Variants in KLHL13 observed in about 807,000 individuals in gnomAD.
The protein encoded by KLHL13 is kelch like family member 13, also known as kelch-like protein 13.
In KLHL13, 10 loss-of-function variants were observed where a neutral mutation model predicts 37.1. That is an observed-to-expected ratio of 0.27 (90% CI 0.17 to 0.46). The LOEUF (loss-of-function observed/expected upper bound fraction) is 0.46. Among genes scored for constraint, KLHL13 ranks in the 20% least tolerant of loss-of-function variants. KLHL13 has a pLI of 1.00. For missense variants in KLHL13, 360 were observed against 509.3 expected, an observed-to-expected ratio of 0.71 and a Z score of 2.82; for synonymous variants, 163 against 181.2, an observed-to-expected ratio of 0.90 and a Z score of 0.81.
At chrX:117,979,877 C>G (rs2053641057) in intron 1 of KLHL13, among the ~76,000 whole-genome samples, 1 of 111,749 alleles carries the variant, frequency 8.9e-6, no homozygotes, top group East Asian at 2.8e-4. Context: ...GTTTAGTCAT[C>G]TCTCAGCAAC....
chrX:117,945,514 G>A, exon 2 of KLHL13: 2 of 1,205,329 alleles, frequency 1.7e-6, no homozygotes, highest in South Asian at 1.8e-5. Flanking sequence ...TGGGATGAGA[G>A]GCCCATTTCG....
intron 1 of KLHL13, among the ~76,000 whole-genome samples, chrX:118,097,716 G>A (rs2148166758): frequency 9.0e-6 from 1 of 111,666 alleles, no homozygotes; most frequent in Non-Finnish European, 1.9e-5. Flanking sequence ...GCATGGTACT[G>A]GTACCAAAAC....
At chrX:118,076,671 T>G (rs1045586120) in intron 1 of KLHL13, among the ~76,000 whole-genome samples, 1 of 111,246 alleles carries the variant, frequency 9.0e-6, no homozygotes, top group Non-Finnish European at 1.9e-5. Flanking sequence ...TCCTTCCTAA[T>G]GTTGATGAGT....
chrX:117,943,252 C>T (rs1288264044), intron 2 of KLHL13, among the ~76,000 whole-genome samples: 8 of 111,456 alleles, frequency 7.2e-5, no homozygotes, highest in African/African-American at 2.6e-4. Flanking sequence ...TCCAGCTTCC[C>T]TTAACATTTT....
intron 1 of KLHL13, among the ~76,000 whole-genome samples, chrX:118,067,757 A>G (rs1166108510): frequency 9.0e-6 from 1 of 110,952 alleles, no homozygotes; most frequent in East Asian, 2.8e-4. Flanking sequence ...AGGGGCAATA[A>G]CGTGCATGGA....
intron 1 of KLHL13, among the ~76,000 whole-genome samples, chrX:118,006,244 C>T (rs1602642906): frequency 8.9e-6 from 1 of 111,775 alleles, no homozygotes; most frequent in Non-Finnish European, 1.9e-5. Flanking sequence ...ACTATAAATA[C>T]TAAGTTCATC....
At chrX:117,959,778 A>C (rs184950539) in intron 1 of KLHL13, among the ~76,000 whole-genome samples, 2 of 111,858 alleles carry the variant, frequency 1.8e-5, no homozygotes, top group Admixed American at 1.9e-4. Context: ...TGATCAGTGA[A>C]AAGCTCTATA....
At chrX:117,953,570 A>T (rs917930921) in intron 1 of KLHL13, among the ~76,000 whole-genome samples, 25 of 110,971 alleles carry the variant, frequency 2.3e-4, no homozygotes, top group African/African-American at 7.5e-4. Flanking sequence ...AAAATAAAAT[A>T]AAAAAATAAA....
chrX:117,979,078 G>A (rs2147921267), intron 1 of KLHL13, among the ~76,000 whole-genome samples: 1 of 110,498 alleles, frequency 9.0e-6, no homozygotes, highest in Admixed American at 9.6e-5. Context: ...TTACAGGCAT[G>A]CGCCACCACG....
At chrX:118,054,058 T>G (rs1172490154) in intron 1 of KLHL13, among the ~76,000 whole-genome samples, 1 of 111,147 alleles carries the variant, frequency 9.0e-6, no homozygotes, top group Non-Finnish European at 1.9e-5. Context: ...AATCTATAGA[T>G]AAATTGAGTG....
chrX:117,929,248 A>G (rs1443093674), intron 2 of KLHL13, among the ~76,000 whole-genome samples: 1 of 112,097 alleles, frequency 8.9e-6, no homozygotes, highest in African/African-American at 3.2e-5. Flanking sequence ...TCTATCAAAC[A>G]TTTAAGGAAG....
intron 5 of KLHL13, among the ~76,000 whole-genome samples, chrX:117,905,031 A>G (rs1222782058): frequency 6.3e-5 from 7 of 111,592 alleles, no homozygotes; most frequent in Non-Finnish European, 1.1e-4. Context: ...TAAGATTAGG[A>G]AAGAGATCAG....
chrX:118,069,220 T>C (rs750997725), intron 1 of KLHL13, among the ~76,000 whole-genome samples: 1 of 108,029 alleles, frequency 9.3e-6, no homozygotes, highest in South Asian at 4.1e-4. Flanking sequence ...CAGCTGCACA[T>C]CCCTTCAGGA....
At position 118,088,263 on chromosome X, in the gene KLHL13, T is replaced by G. The variant is rs912194708; in HGVS notation, c.-56+28245A>C. The stretch of plus-strand genomic sequence containing the variant: ...GTAAAACAATACCCTGTGCCAATAT[T>G]TTATGTCTCTAAACAATTTCGATGA... On this transcript the variant is annotated intron_variant, in intron 1 of 6. Coordinates refer to the KLHL13 transcript ENST00000371882. Among the ~76,000 whole-genome samples, 4 of 111,998 alleles carry G rather than the reference T, an allele frequency of 3.6e-5. No individual in the cohort carries two copies. In the Admixed American group the frequency reaches 3.8e-4, roughly 11 times the overall value.
At chrX:118,087,482 T>G (rs2148141488) in intron 1 of KLHL13, among the ~76,000 whole-genome samples, 1 of 110,160 alleles carries the variant, frequency 9.1e-6, no homozygotes, top group East Asian at 2.8e-4. Context: ...TTAATTAAAT[T>G]ATGAAACACT....
chrX:118,068,435 T>C (rs1162559624), intron 1 of KLHL13, among the ~76,000 whole-genome samples: 2 of 111,368 alleles, frequency 1.8e-5, no homozygotes, highest in Non-Finnish European at 3.8e-5. Context: ...GAGAGTCACA[T>C]AAAGAACGGA....
At chrX:117,921,694 T>C (rs1227227464) in intron 2 of KLHL13, among the ~76,000 whole-genome samples, 2 of 112,309 alleles carry the variant, frequency 1.8e-5, no homozygotes, top group African/African-American at 6.5e-5. Flanking sequence ...AGGCATAACA[T>C]ATTAAGAATG....
At chrX:118,110,797 C>A (rs1432020456) in intron 1 of KLHL13, among the ~76,000 whole-genome samples, 1 of 111,511 alleles carries the variant, frequency 9.0e-6, no homozygotes, top group Admixed American at 9.5e-5. Context: ...CTTACCCCCA[C>A]CCCCACAAAA....
intron 1 of KLHL13, among the ~76,000 whole-genome samples, chrX:118,078,033 G>C (rs936405525): frequency 8.9e-6 from 1 of 111,878 alleles, no homozygotes; most frequent in African/African-American, 3.2e-5. Flanking sequence ...TTCTGCAATT[G>C]AATATCTGTG....
Sources: gnomAD v4.1 joint callset for allele counts (sites outside exome capture counted in the v4.1 genomes callset) on GRCh38, gnomAD v4.1.1 for gene constraint, MANE v1.5 for transcripts, NCBI Gene and HGNC (gene_info 2026-07-23, HGNC 2026-07-21) for gene names.